DCAF5: variants seen among roughly 807,000 people sequenced by gnomAD.
DCAF5 encodes the protein DDB1 and CUL4 associated factor 5, also known as DDB1- and CUL4-associated factor 5.
In DCAF5, 9 loss-of-function variants were observed where a neutral mutation model predicts 80.7. That is an observed-to-expected ratio of 0.11 (90% CI 0.07 to 0.19). DCAF5 has a LOEUF of 0.19. Among genes scored for constraint, DCAF5 ranks in the 10% least tolerant of loss-of-function variants. DCAF5 has a pLI of 1.00. For synonymous variants in DCAF5, 433 were observed against 461.9 expected (o/e 0.94, Z 0.80); for missense variants, 842 against 1,205.7 (o/e 0.70, Z 4.47).
chr14:69,099,251 AACACAC>A (rs60913200), intron 5 of DCAF5, among the ~76,000 whole-genome samples: 4,156 of 124,290 alleles, frequency 0.033, 186 homozygotes, highest in African/African-American at 0.099. Flanking sequence ...ACTCTGTCTC[AACACAC>A]ACACACACAC....
At chr14:69,093,420 T>C (rs1179699480) in intron 5 of DCAF5, among the ~76,000 whole-genome samples, 1 of 152,142 alleles carries the variant, frequency 6.6e-6, no homozygotes, top group African/African-American at 2.4e-5. Context: ...CCTAACAGAT[T>C]TATCTGAAAC....
In DCAF5 at chr14:69,091,666, G is replaced by A. The variant is rs2039538502; in HGVS notation, c.879+8C>T. ...AAGTGTGAGATGCAGGAGGCAGACA[G>A]CATTTACCTGGTCACGATCTCCTGC... On this transcript the variant is annotated splice_region_variant and intron_variant, in intron 6 of 8. Coordinates refer to ENST00000341516, the MANE Select transcript of DCAF5 (RefSeq NM_003861.3). 1 of 1,612,190 alleles carries A rather than the reference G, an allele frequency of 6.2e-7. No individual in the cohort carries two copies. The highest frequency in any genetic ancestry group is 1.3e-5 in the African/African-American group (1 of 74,894).
intron 4 of DCAF5, among the ~76,000 whole-genome samples, chr14:69,117,171 C>A (rs989400368): frequency 6.6e-6 from 1 of 152,162 alleles, no homozygotes; most frequent in Non-Finnish European, 1.5e-5. Flanking sequence ...CAGTCTATGA[C>A]CTCCATATGC....
At chr14:69,105,941 A>ATC (rs1566759299) in intron 5 of DCAF5, among the ~76,000 whole-genome samples, 26 of 102,564 alleles carry the variant, frequency 2.5e-4, no homozygotes, top group African/African-American at 7.4e-4. Context: ...ATATATATAT[A>ATC]TATATCTCCT....
chr14:69,096,759 T>C (rs1434290493), intron 5 of DCAF5, among the ~76,000 whole-genome samples: 2 of 152,172 alleles, frequency 1.3e-5, no homozygotes, highest in African/African-American at 4.8e-5. Context: ...ATTTAGTCAT[T>C]TGAGTTTATC....
intron 6 of DCAF5, chr14:69,084,772 G>A (rs928497390): frequency 1.3e-5 from 15 of 1,131,624 alleles, no homozygotes; most frequent in African/African-American, 4.6e-5. Flanking sequence ...ATAAGCATAC[G>A]ACCACATTCT....
chr14:69,075,550 C>T (rs958476269), intron 6 of DCAF5, 139 bp from the exon 7 acceptor site: 4 of 349,296 alleles, frequency 1.1e-5, no homozygotes, highest in South Asian at 2.0e-4. Flanking sequence ...GGTGCAATCT[C>T]GGCTCACTGC....
intron 1 of DCAF5, among the ~76,000 whole-genome samples, chr14:69,145,820 AAAGC>A (rs1426508626): frequency 1.3e-5 from 2 of 152,230 alleles, no homozygotes; most frequent in Non-Finnish European, 2.9e-5. Flanking sequence ...TAAAATAAGA[AAAGC>A]AATTAGTTTC....
chr14:69,119,798 G>C (rs1160083108), intron 2 of DCAF5, among the ~76,000 whole-genome samples: 3 of 151,766 alleles, frequency 2.0e-5, no homozygotes, highest in African/African-American at 7.3e-5. Context: ...CAATTCACTA[G>C]CTTTATTTTT....
intron 6 of DCAF5, 35 bp from the exon 7 acceptor site, chr14:69,075,446 T>C (rs747980324): frequency 3.1e-6 from 4 of 1,297,254 alleles, no homozygotes; most frequent in Non-Finnish European, 4.2e-6. Flanking sequence ...TAACATTATA[T>C]ATTATAATAT....
rs1346747488 is a variant in DCAF5, at chr14:69,093,344, G to GA, written c.666-1458dup. 2.0e-5 allele frequency among the ~76,000 whole-genome samples: 3 copies of GA among 152,194 alleles called. No homozygotes were observed. In the South Asian group the frequency reaches 6.2e-4, roughly 32 times the overall value. On this transcript the variant is annotated intron_variant, in intron 5 of 8. Transcript: ENST00000341516. ...AGGTAGTGATCCCAGTAGTTTTAGA[G>GA]AAAAAAGTTTATAAATTCTGGAGAA...
Position 69,054,697 on chromosome 14 carries a change from A to G in DCAF5, c.1989T>C (p.Ala663=), listed in dbSNP as rs746961938. ...TATAAGAGTAGCGGAGCCACTTGTAAGCTTTATAAATTTTTCGCTCAACTG... is the reference window on the plus strand; with the variant it reads ...TATAAGAGTAGCGGAGCCACTTGTAGGCTTTATAAATTTTTCGCTCAACTG... ...IESVERKIYK[A]YKWLRYSYIS... Residue 663 remains alanine, a synonymous_variant, in exon 9 of 9, where the codon GCT becomes GCC. Transcript: ENST00000341516. 8 of 1,614,170 alleles carry G rather than the reference A, an allele frequency of 5.0e-6. No homozygotes were observed. The highest frequency in any genetic ancestry group is 6.8e-6 in the Non-Finnish European group (8 of 1,180,018).
At chr14:69,099,048 C>T (rs182583356) in intron 5 of DCAF5, among the ~76,000 whole-genome samples, 254 of 151,920 alleles carry the variant, frequency 1.7e-3, no homozygotes, top group African/African-American at 5.7e-3. Context: ...GTCAAGAGAT[C>T]GAGACCATCC....
At chr14:69,095,633 C>T (rs1300891459) in intron 5 of DCAF5, among the ~76,000 whole-genome samples, 1 of 152,082 alleles carries the variant, frequency 6.6e-6, no homozygotes, top group Non-Finnish European at 1.5e-5. Context: ...AAGTACTTAG[C>T]CAAGGCTAAA....
rs1481847922 is a variant in DCAF5 at position 69,055,330 on chromosome 14, C to T, written c.1356G>A (p.Glu452=). 2.5e-6 allele frequency: 4 copies of T among 1,614,030 alleles called. No individual in the cohort carries two copies. Among genetic ancestry groups the T allele is most frequent in the Non-Finnish European group, 8.5e-7 (1 of 1,180,024 alleles). Residue 452 remains glutamate, a synonymous_variant, in exon 9 of 9, where the codon GAG becomes GAA. Coordinates refer to ENST00000341516, the MANE Select transcript of DCAF5 (RefSeq NM_003861.3). This position sits in a 1 kb window ranked among gnomAD's most constrained non-coding sequence, Gnocchi z 5.6. ...ACTCTGAGTCAGTGTAGCCTGAGCG[C>T]TCGCTGACCCCAGCGTGCAGTTGGA... The part of the protein sequence containing the change: ...TILQLHAGVS[E]RSGYTDSESS...
At position 69,135,316 on chromosome 14, in the gene DCAF5, A is replaced by G. The variant is rs1006445727; in HGVS notation, c.215-12956T>C. Among the ~76,000 whole-genome samples the G allele has an allele frequency of 5.3e-5, 8 of 152,236 alleles. No homozygotes were observed. The South Asian group carries it at 1.4e-3, about 28-fold the overall frequency. On this transcript the variant is annotated intron_variant, in intron 1 of 8. Transcript: ENST00000341516. ...ATTCTTTAACTGCCACTCATTCACA[A>G]TAAAACACAAATGCCACGTTCACTC...
intron 1 of DCAF5, among the ~76,000 whole-genome samples, chr14:69,138,613 G>T (rs995670779): frequency 5.9e-5 from 9 of 152,220 alleles, no homozygotes; most frequent in Admixed American, 6.5e-5. Context: ...AAGGTCAGAA[G>T]ACCCAGAGTT....
At chr14:69,116,667 A>G (rs566544045) in intron 4 of DCAF5, among the ~76,000 whole-genome samples, 172 bp from the exon 5 acceptor site, 1 of 152,346 alleles carries the variant, frequency 6.6e-6, no homozygotes, top group East Asian at 1.9e-4. Flanking sequence ...CAAGGTCCCC[A>G]TGAGTCCTAT....
chr14:69,054,857 A>G lies in DCAF5; in HGVS notation c.1829T>C (p.Ile610Thr), dbSNP rs1014929235. ...GGGGTAATCATAGTTGTCTTCTCCAATGTAAGTGTTGGTGGGCTTGATTGG... is the reference window on the plus strand; with the variant it reads ...GGGGTAATCATAGTTGTCTTCTCCAGTGTAAGTGTTGGTGGGCTTGATTGG... The part of the protein sequence containing the change: ...SAPIKPTNTY[I>T]GEDNYDYPQI... The change falls in exon 9 of 9, where the codon ATT becomes ACT. Residue 610 changes from isoleucine to threonine, a missense_variant. Ile to Thr is a moderately conservative substitution (Grantham distance 89, BLOSUM62 -1). Around this residue, in one of 5 missense-constraint regions of DCAF5, gnomAD observed 607 missense variants for 656.6 expected, o/e 0.92. Transcript: ENST00000341516. 1.2e-6 allele frequency: 2 copies of G among 1,613,940 alleles called. No homozygotes were observed. Among genetic ancestry groups the G allele is most frequent in the South Asian group, 1.1e-5 (1 of 91,058 alleles).
Sources: allele counts gnomAD v4.1 joint callset (sites outside exome capture counted in the v4.1 genomes callset), GRCh38; gene constraint gnomAD v4.1.1; regional missense constraint gnomAD v4.1.1; non-coding constraint Gnocchi (gnomAD v3.1); transcripts MANE v1.5; gene names NCBI Gene and HGNC (gene_info 2026-07-23, HGNC 2026-07-21).